The following FSTL5 variants were observed in gnomAD, a reference collection of about 807,000 sequenced individuals.
The protein encoded by FSTL5 is follistatin-related protein 5.
FSTL5 carries 62 observed loss-of-function variants against 89.1 expected under a neutral mutation model. The ratio of observed to expected loss-of-function variants is 0.70; its 90% CI spans 0.57 to 0.86. The LOEUF (loss-of-function observed/expected upper bound fraction) is 0.86. FSTL5 is among the 40% of genes least tolerant of loss of function. FSTL5 has a pLI of 0.00. For missense variants in FSTL5, 1,057 were observed against 1,001.6 expected (o/e 1.06, Z -0.75); for synonymous variants, 383 against 346.2 (o/e 1.11, Z -1.18).
At position 161,612,423 on chromosome 4, in the gene FSTL5, G is replaced by T. The variant is rs184646545; in HGVS notation, c.895-24848C>A. Among the ~76,000 whole-genome samples the T allele has an allele frequency of 1.7e-3, 257 of 152,290 alleles. 1 individual carries two copies. Among genetic ancestry groups the T allele is most frequent in the African/African-American group, 5.9e-3 (247 of 41,580 alleles). On this transcript the variant is annotated intron_variant, in intron 7 of 15. Transcript: ENST00000306100. ...GCAGTTTAGAGGTCTAGAAAAGTCA[G>T]ATTTCTGTGTTTTTGCATTTCAACA... is the stretch of plus-strand genomic sequence containing the variant.
At chr4:162,086,874 G>A (rs1056842854) in intron 2 of FSTL5, among the ~76,000 whole-genome samples, 2 of 152,024 alleles carry the variant, frequency 1.3e-5, no homozygotes, top group African/African-American at 4.8e-5. Context: ...AAGTATATCT[G>A]ATAGTTTGGT....
chr4:161,981,937 T>C (rs1232170891), intron 3 of FSTL5, among the ~76,000 whole-genome samples: 1 of 152,220 alleles, frequency 6.6e-6, no homozygotes, highest in South Asian at 2.1e-4. Context: ...CTCAAATTAA[T>C]CCAAGTTCTC....
intron 5 of FSTL5, among the ~76,000 whole-genome samples, chr4:161,773,639 T>C (rs545830438): frequency 3.3e-5 from 5 of 152,250 alleles, no homozygotes; most frequent in Middle Eastern, 3.4e-3. Flanking sequence ...AAAATCACCA[T>C]GTGATACCAC....
intron 2 of FSTL5, among the ~76,000 whole-genome samples, chr4:162,065,439 T>G (rs1386608158): frequency 6.6e-6 from 1 of 151,726 alleles, no homozygotes; most frequent in South Asian, 2.1e-4. Context: ...AAATAGCCAA[T>G]AGATATATGA....
intron 6 of FSTL5, among the ~76,000 whole-genome samples, chr4:161,743,494 T>C (rs1740094868): frequency 6.6e-6 from 1 of 152,170 alleles, no homozygotes. Context: ...CCCCTCCATC[T>C]TTGCTTTTCT....
intron 1 of FSTL5, among the ~76,000 whole-genome samples, chr4:162,136,638 T>C (rs1419440594): frequency 6.6e-6 from 1 of 152,076 alleles, no homozygotes; most frequent in African/African-American, 2.4e-5. Context: ...TAGCCATTCA[T>C]ATACCAAAAG....
At chr4:162,105,787 A>G (rs1226348209) in intron 2 of FSTL5, among the ~76,000 whole-genome samples, 1 of 152,156 alleles carries the variant, frequency 6.6e-6, no homozygotes, top group Non-Finnish European at 1.5e-5. Flanking sequence ...TTGCTCTCAG[A>G]TGGTGGTCCA....
intron 3 of FSTL5, among the ~76,000 whole-genome samples, chr4:161,998,227 ACTTT>A (rs1421815096): frequency 2.6e-5 from 4 of 152,112 alleles, no homozygotes; most frequent in African/African-American, 7.2e-5. Context: ...ATACCCCCTG[ACTTT>A]CTTTGTTTCT....
At chr4:161,405,980 AG>A (rs1731361154) in intron 15 of FSTL5, among the ~76,000 whole-genome samples, 1 of 152,194 alleles carries the variant, frequency 6.6e-6, no homozygotes, top group Admixed American at 6.5e-5. Flanking sequence ...TCAGATTTTA[AG>A]AATCTGAGAG....
At chr4:161,577,611 CA>C (rs1255474404) in intron 8 of FSTL5, among the ~76,000 whole-genome samples, 1 of 151,788 alleles carries the variant, frequency 6.6e-6, no homozygotes, top group Non-Finnish European at 1.5e-5. Context: ...AGTTGGAATT[CA>C]CAAAAAGTTG....
rs367691662 is a variant in FSTL5 at position 161,554,957 on chromosome 4, A to G, written c.1016-12264T>C. Reference sequence around the variant, plus strand: ...TTGTCTGACATTATTAAAGCCATCAATTTCTCTTTAACTTTGTCCCAAAGC... The same window carrying G: ...TTGTCTGACATTATTAAAGCCATCAGTTTCTCTTTAACTTTGTCCCAAAGC... On this transcript the variant is annotated intron_variant, in intron 8 of 15. Coordinates refer to ENST00000306100, the MANE Select transcript of FSTL5 (RefSeq NM_020116.5). Among the ~76,000 whole-genome samples the G allele has an allele frequency of 5.9e-5, 9 of 151,708 alleles. No individual in the cohort carries two copies. In the South Asian group the frequency reaches 6.2e-4, roughly 10 times the overall value.
intron 4 of FSTL5, among the ~76,000 whole-genome samples, chr4:161,854,660 G>A (rs574098905): frequency 1.8e-4 from 28 of 152,116 alleles, no homozygotes; most frequent in African/African-American, 6.7e-4. Flanking sequence ...AATAAGTTAG[G>A]TTAAACTACT....
At chr4:161,553,626 ATTG>A (rs1732288305) in intron 8 of FSTL5, among the ~76,000 whole-genome samples, 1 of 151,394 alleles carries the variant, frequency 6.6e-6, no homozygotes, top group Admixed American at 6.6e-5. Context: ...CTTAGCTTAA[ATTG>A]TCTCATATGG....
intron 10 of FSTL5, among the ~76,000 whole-genome samples, chr4:161,514,763 T>C (rs1011465812): frequency 6.6e-6 from 1 of 152,024 alleles, no homozygotes; most frequent in Non-Finnish European, 1.5e-5. Flanking sequence ...CAATCAAAAT[T>C]TGAAGGTAAA....
chr4:161,703,226 T>G (rs1738462489), intron 6 of FSTL5, among the ~76,000 whole-genome samples: 1 of 152,086 alleles, frequency 6.6e-6, no homozygotes, highest in Non-Finnish European at 1.5e-5. Flanking sequence ...TGTGGCATTT[T>G]GTTACAACAG....
chr4:162,119,168 A>C (rs184052024), intron 1 of FSTL5, among the ~76,000 whole-genome samples: 35 of 152,086 alleles, frequency 2.3e-4, no homozygotes, highest in African/African-American at 8.4e-4. Context: ...TTGAGGCTGC[A>C]GTGAGCCATG....
chr4:161,696,689 A>G (rs1172937178), intron 6 of FSTL5, among the ~76,000 whole-genome samples: 2 of 151,992 alleles, frequency 1.3e-5, no homozygotes, highest in Non-Finnish European at 2.9e-5. Context: ...ATATTCCTAA[A>G]TACTTTATAT....
chr4:161,588,999 T>G (rs1249653715), intron 7 of FSTL5, among the ~76,000 whole-genome samples: 1 of 126,714 alleles, frequency 7.9e-6, no homozygotes. Flanking sequence ...TCCCTAATGT[T>G]TTTTTTTTTT....
chr4:161,395,834 C>T (rs76039542), intron 15 of FSTL5, among the ~76,000 whole-genome samples: 67 of 152,174 alleles, frequency 4.4e-4, no homozygotes, highest in African/African-American at 1.6e-3. Flanking sequence ...ATGGACTATT[C>T]ATAAAATCAG....
Sources: allele counts gnomAD v4.1 joint callset (sites outside exome capture counted in the v4.1 genomes callset), GRCh38; gene constraint gnomAD v4.1.1; transcripts MANE v1.5; gene names NCBI Gene and HGNC (gene_info 2026-07-23, HGNC 2026-07-21).